CDKL3: variants seen among roughly 807,000 people sequenced by gnomAD.
The protein encoded by CDKL3 is cyclin dependent kinase like 3, also known as cyclin-dependent kinase-like 3.
CDKL3 carries 65 observed loss-of-function variants against 69.3 expected under a neutral mutation model. That is an observed-to-expected ratio of 0.94 (90% CI 0.77 to 1.15). The LOEUF (loss-of-function observed/expected upper bound fraction) is 1.15. Ranked by LOEUF, CDKL3 falls within the 50% of genes most tolerant of loss-of-function variation. The probability of loss-of-function intolerance (pLI) is 0.00; values close to 1 mark genes in which losing one functional copy is unlikely to be tolerated. For missense variants in CDKL3, 652 were observed against 689.2 expected, an observed-to-expected ratio of 0.95 and a Z score of 0.61; for synonymous variants, 202 against 221.6, an observed-to-expected ratio of 0.91 and a Z score of 0.79.
upstream of CDKL3, chr5:134,370,989 T>C (rs1328218512): frequency 6.1e-6 from 1 of 162,864 alleles, no homozygotes; most frequent in African/African-American, 2.4e-5. Flanking sequence ...TTAAACCCGC[T>C]TCACAGACCT....
At chr5:134,320,154 G>GT (rs1007170473) in intron 5 of CDKL3, among the ~76,000 whole-genome samples, 3 of 152,152 alleles carry the variant, frequency 2.0e-5, no homozygotes. Flanking sequence ...ACACAAAAAT[G>GT]TGAGGTGTCT....
intron 3 of CDKL3, among the ~76,000 whole-genome samples, chr5:134,359,129 T>C (rs948612003): frequency 1.4e-4 from 21 of 152,036 alleles, no homozygotes; most frequent in African/African-American, 5.1e-4. Flanking sequence ...CTACAAAATA[T>C]TGGCCAGGTG....
intron 4 of CDKL3, among the ~76,000 whole-genome samples, chr5:134,331,457 G>A (rs549358667): frequency 1.9e-4 from 29 of 151,898 alleles, no homozygotes; most frequent in African/African-American, 6.8e-4. Flanking sequence ...CCTCCCCCGG[G>A]CCCCCACCCA....
intron 4 of CDKL3, among the ~76,000 whole-genome samples, chr5:134,341,760 G>A (rs1750551543): frequency 6.6e-6 from 1 of 152,220 alleles, no homozygotes; most frequent in South Asian, 2.1e-4. Context: ...ACCACATGTA[G>A]AGTAAGAAGA....
upstream of CDKL3, among the ~76,000 whole-genome samples, chr5:134,368,636 A>G (rs1010848273): frequency 1.3e-5 from 2 of 151,818 alleles, no homozygotes; most frequent in South Asian, 2.1e-4. Context: ...AAAAAAAAAA[A>G]AAAAAGAAAG....
chr5:134,327,219 A>G (rs1484324309), intron 4 of CDKL3, among the ~76,000 whole-genome samples: 1 of 152,152 alleles, frequency 6.6e-6, no homozygotes, highest in Admixed American at 6.5e-5. Context: ...TTCTACCTTG[A>G]ATGCAGTGCA....
At chr5:134,355,571 T>C (rs749654842) in intron 3 of CDKL3, among the ~76,000 whole-genome samples, 13 of 152,360 alleles carry the variant, frequency 8.5e-5, no homozygotes, top group Admixed American at 3.3e-4. Context: ...TCTGAGATGA[T>C]TTAAGATGAA....
At chr5:134,307,073 C>T (rs1367647580) in intron 9 of CDKL3, among the ~76,000 whole-genome samples, 2 of 152,050 alleles carry the variant, frequency 1.3e-5, no homozygotes, top group Non-Finnish European at 2.9e-5. Context: ...TTTGTTTTAG[C>T]TTCAAGAATG....
chr5:134,312,462 G>A, intron 6 of CDKL3, 82 bp from the exon 7 acceptor site: 2 of 741,188 alleles, frequency 2.7e-6, no homozygotes, highest in Non-Finnish European at 4.3e-6. Context: ...GACAAATTAA[G>A]AAGTAAGTAA....
At chr5:134,293,742 G>A (rs1311317353), downstream of CDKL3, among the ~76,000 whole-genome samples, 2 of 152,152 alleles carry the variant, frequency 1.3e-5, no homozygotes, top group African/African-American at 4.8e-5. Context: ...CAAGGCTGCA[G>A]TGAGCTATGA....
In CDKL3 at chr5:134,304,549, T is replaced by A. The variant is rs376532976; in HGVS notation, c.1477A>T (p.Ile493Leu). 221 of 1,607,650 alleles carry A rather than the reference T, an allele frequency of 1.4e-4. No individual in the cohort carries two copies. In the Middle Eastern group the frequency reaches 2.0e-3, roughly 14 times the overall value. ...CTGTGACCTGTTCGCTCATTAAATA[T>A]ACCCTTCTCCATTTGGCTCTAAACA... ...GPIQSQMEKG[I>L]FNERTGHSDQ... The change falls in exon 11 of 13, where the codon ATA becomes TTA. Residue 493 changes from isoleucine to leucine, a missense_variant. By Grantham distance (5) the Ile-to-Leu change is conservative. Transcript: ENST00000265334.
chr5:134,296,875 A>C (rs1344194516), downstream of CDKL3, among the ~76,000 whole-genome samples: 1 of 151,856 alleles, frequency 6.6e-6, no homozygotes, highest in Admixed American at 6.6e-5. Context: ...GTTGTAAATC[A>C]GGATTAGGAA....
chr5:134,338,632 G>T (rs1777656566), intron 4 of CDKL3, among the ~76,000 whole-genome samples: 1 of 152,142 alleles, frequency 6.6e-6, no homozygotes, highest in South Asian at 2.1e-4. Flanking sequence ...GGAGGCAGAG[G>T]TTTCAGTGAG....
chr5:134,316,188 G>A (rs1771010720), intron 6 of CDKL3, among the ~76,000 whole-genome samples: 1 of 152,150 alleles, frequency 6.6e-6, no homozygotes, highest in African/African-American at 2.4e-5. Context: ...CTGGGCTCAA[G>A]TGATCCTCCC....
chr5:134,345,161 G>A (rs529307313), intron 4 of CDKL3, among the ~76,000 whole-genome samples: 8 of 151,698 alleles, frequency 5.3e-5, no homozygotes, highest in Non-Finnish European at 1.2e-4. Flanking sequence ...GGGTGTCATA[G>A]ATAAAGGGTA....
chr5:134,294,733 G>C (rs1374334917), downstream of CDKL3, among the ~76,000 whole-genome samples: 1 of 151,944 alleles, frequency 6.6e-6, no homozygotes, highest in African/African-American at 2.4e-5. Flanking sequence ...AAACTTACCA[G>C]AACTAATAAG....
chr5:134,306,752 T>C, intron 9 of CDKL3, 50 bp from the exon 10 acceptor site: 3 of 529,924 alleles, frequency 5.7e-6, no homozygotes, highest in Admixed American at 6.6e-5. Flanking sequence ...CAGAAATGCT[T>C]TTTTTTTTTT....
intron 4 of CDKL3, among the ~76,000 whole-genome samples, chr5:134,334,101 G>C (rs939203158): frequency 6.6e-6 from 1 of 152,052 alleles, no homozygotes; most frequent in Admixed American, 6.6e-5. Context: ...TTGTGTGGAG[G>C]GGTTTGTAGT....
intron 8 of CDKL3, among the ~76,000 whole-genome samples, chr5:134,292,288 A>C (rs150546174): frequency 8.7e-4 from 132 of 152,316 alleles, no homozygotes; most frequent in African/African-American, 3.0e-3. Flanking sequence ...GACCACATTG[A>C]AATTGAATTA....
Sources: allele counts gnomAD v4.1 joint callset (sites outside exome capture counted in the v4.1 genomes callset), GRCh38; gene constraint gnomAD v4.1.1; transcripts MANE v1.5; gene names NCBI Gene and HGNC (gene_info 2026-07-23, HGNC 2026-07-21).